The following TBC1D4 variants were observed in gnomAD, a reference collection of about 807,000 sequenced individuals.
TBC1D4 encodes the protein TBC1 domain family member 4, also known as TBC (Tre-2, BUB2, CDC16) domain-containing protein.
Under a neutral mutation model 142.5 loss-of-function variants are expected in TBC1D4, and 121 were observed. The ratio of observed to expected loss-of-function variants is 0.85; its 90% confidence interval spans 0.73 to 0.99. The LOEUF (loss-of-function observed/expected upper bound fraction) is 0.99, where lower values mean the gene tolerates loss of function less well. Among genes scored for constraint, TBC1D4 ranks in the 50% least tolerant of loss-of-function variants. The probability of loss-of-function intolerance (pLI) is 0.00; values close to 1 mark genes in which losing one functional copy is unlikely to be tolerated. For synonymous variants in TBC1D4, 630 were observed against 628.2 expected, an observed-to-expected ratio of 1.00 and a Z score of -0.04; for missense variants, 1,475 against 1,606.6, an observed-to-expected ratio of 0.92 and a Z score of 1.40.
chr13:75,481,318 G>T lies in TBC1D4; in HGVS notation c.450C>A (p.Pro150=), dbSNP rs1308172638. 2.5e-6 allele frequency: 4 copies of T among 1,613,856 alleles called. No individual in the cohort carries two copies. Among genetic ancestry groups the T allele is most frequent in the Non-Finnish European group, 3.4e-6 (4 of 1,179,782 alleles). ...AAACGTGGCAGGCCATCTGCGACTC[G>T]GGGTCGTCGGGCTGCGCCTTGATCA... The part of the protein sequence containing the change: ...AYLIKAQPDD[P]ESQMACHVFR... Residue 150 remains proline, a synonymous_variant, in exon 1 of 21, where the codon CCC becomes CCA. Coordinates refer to ENST00000377636, the MANE Select transcript of TBC1D4 (RefSeq NM_014832.5).
At chr13:75,299,029 T>C (rs1030970451) in intron 17 of TBC1D4, among the ~76,000 whole-genome samples, 2 of 152,222 alleles carry the variant, frequency 1.3e-5, no homozygotes, top group Non-Finnish European at 2.9e-5. Context: ...ACCTTCTCCA[T>C]GTAACCCATA....
intron 8 of TBC1D4, among the ~76,000 whole-genome samples, chr13:75,330,529 CCGT>C (rs1342834835): frequency 6.6e-6 from 1 of 152,128 alleles, no homozygotes; most frequent in East Asian, 1.9e-4. Flanking sequence ...GTTATTTAGC[CCGT>C]CTTCACAGAT....
At chr13:75,324,698 A>T (rs1879081200) in intron 10 of TBC1D4, among the ~76,000 whole-genome samples, 1 of 152,244 alleles carries the variant, frequency 6.6e-6, no homozygotes, top group Non-Finnish European at 1.5e-5. Flanking sequence ...TTGTTTTCAC[A>T]TGCAAAAGAC....
intron 1 of TBC1D4, among the ~76,000 whole-genome samples, chr13:75,426,134 TA>T (rs1243222707): frequency 6.6e-6 from 1 of 152,118 alleles, no homozygotes; most frequent in Non-Finnish European, 1.5e-5. Context: ...AAAACTTGAA[TA>T]GACATTTCTC....
In TBC1D4 at chr13:75,286,998, C is replaced by T; in HGVS notation, c.3691G>A (p.Glu1231Lys). The change falls in exon 21 of 21, where the codon GAA becomes AAA. Residue 1231 changes from glutamate (E) to lysine (K), a missense_variant. Physicochemically the swap from Glu to Lys is moderately conservative, Grantham distance 56 (BLOSUM62 1). Coordinates refer to ENST00000377636, the MANE Select transcript of TBC1D4 (RefSeq NM_014832.5). ...QVAHTKIQAL[E>K]SNLENLLTRE... Reference sequence around the variant, plus strand: ...GTCAAAAGATTTTCCAGGTTTGATTCCAAGGCCTGGATTTTAGTATGAGCT... The same window carrying T: ...GTCAAAAGATTTTCCAGGTTTGATTTCAAGGCCTGGATTTTAGTATGAGCT... The T allele has an allele frequency of 6.2e-7, 1 of 1,613,240 alleles. No homozygotes were observed. The highest frequency in any genetic ancestry group is 2.2e-5 in the East Asian group (1 of 44,870).
intron 1 of TBC1D4, among the ~76,000 whole-genome samples, chr13:75,388,763 T>C (rs959428716): frequency 6.6e-6 from 1 of 152,210 alleles, no homozygotes; most frequent in South Asian, 2.1e-4. Flanking sequence ...CAAACCACAC[T>C]TGAGTACTAT....
intron 5 of TBC1D4, among the ~76,000 whole-genome samples, chr13:75,342,110 T>C (rs914543023): frequency 4.6e-5 from 7 of 152,260 alleles, no homozygotes; most frequent in Admixed American, 1.3e-4. Context: ...GGCAGGAGAC[T>C]CACTTGAACA....
At chr13:75,421,854 A>C (rs1453024258) in intron 1 of TBC1D4, among the ~76,000 whole-genome samples, 3 of 122,990 alleles carry the variant, frequency 2.4e-5, no homozygotes, top group Admixed American at 9.2e-5. Flanking sequence ...TTAATCACTG[A>C]TACTGAGATG....
At chr13:75,300,831 G>A (rs762338463) in intron 16 of TBC1D4, among the ~76,000 whole-genome samples, 12 of 152,134 alleles carry the variant, frequency 7.9e-5, no homozygotes, top group Non-Finnish European at 1.6e-4. Context: ...GATTTGCTTG[G>A]GAACATAGGG....
intron 1 of TBC1D4, among the ~76,000 whole-genome samples, chr13:75,444,751 T>C (rs1046770078): frequency 3.3e-5 from 5 of 152,164 alleles, no homozygotes; most frequent in Admixed American, 1.3e-4. Context: ...GCAGTCTGGA[T>C]GTTTGTTCAT....
chr13:75,340,776 G>A (rs183135468), intron 7 of TBC1D4, among the ~76,000 whole-genome samples: 7 of 152,066 alleles, frequency 4.6e-5, no homozygotes, highest in African/African-American at 9.6e-5. Flanking sequence ...GAGAAACCCC[G>A]TCTCTACTAA....
At chr13:75,308,333 T>C (rs556386190) in intron 14 of TBC1D4, among the ~76,000 whole-genome samples, 2 of 152,322 alleles carry the variant, frequency 1.3e-5, no homozygotes, top group Admixed American at 6.5e-5. Flanking sequence ...TCCATTTCCT[T>C]ATATTAACAT....
intron 1 of TBC1D4, among the ~76,000 whole-genome samples, chr13:75,411,963 A>T (rs1445320804): frequency 6.6e-6 from 1 of 152,230 alleles, no homozygotes; most frequent in Admixed American, 6.5e-5. Context: ...CAGTTTAATA[A>T]GATTCACTTA....
intron 1 of TBC1D4, among the ~76,000 whole-genome samples, chr13:75,429,189 T>C (rs994518183): frequency 2.0e-5 from 3 of 152,214 alleles, no homozygotes; most frequent in Admixed American, 6.5e-5. Context: ...GAATGAAGCA[T>C]ATCTTTCTGG....
At chr13:75,306,543 T>C in intron 14 of TBC1D4, 72 bp from the exon 15 acceptor site, 1 of 1,569,562 alleles carries the variant, frequency 6.4e-7, no homozygotes, top group East Asian at 2.2e-5. Context: ...TTGATTGTAT[T>C]TGTAAAACCA....
At chr13:75,391,032 CCACACACACACACA>C (rs71127539) in intron 1 of TBC1D4, among the ~76,000 whole-genome samples, 24,792 of 136,728 alleles carry the variant, frequency 0.18, 2,407 homozygotes, top group East Asian at 0.32. Context: ...TATTCCCCCA[CCACACACACACACA>C]CACACACACA....
intron 1 of TBC1D4, among the ~76,000 whole-genome samples, chr13:75,364,049 C>T (rs775140025): frequency 8.5e-5 from 13 of 152,076 alleles, no homozygotes; most frequent in Non-Finnish European, 8.8e-5. Context: ...TACATTGGTT[C>T]GATCCACAAA....
intron 5 of TBC1D4, among the ~76,000 whole-genome samples, chr13:75,348,678 G>A (rs1291444936): frequency 6.6e-6 from 1 of 152,054 alleles, no homozygotes; most frequent in East Asian, 1.9e-4. Context: ...CTCTGTCATT[G>A]ACAAATGTCC....
chr13:75,409,244 T>C (rs925609300), intron 1 of TBC1D4, among the ~76,000 whole-genome samples: 1 of 152,228 alleles, frequency 6.6e-6, no homozygotes, highest in Non-Finnish European at 1.5e-5. Context: ...AATGTTTGTA[T>C]CACAGTAATG....
Sources: gnomAD v4.1 joint callset for allele counts (sites outside exome capture counted in the v4.1 genomes callset) on GRCh38, gnomAD v4.1.1 for gene constraint, MANE v1.5 for transcripts, NCBI Gene and HGNC (gene_info 2026-07-23, HGNC 2026-07-21) for gene names.